C14orf39: variants seen among roughly 807,000 people sequenced by gnomAD.
C14orf39 encodes protein SIX6OS1.
Under a neutral mutation model 85.6 loss-of-function variants are expected in C14orf39, and 66 were observed. That is an observed-to-expected ratio of 0.77 (90% CI 0.63 to 0.95). The LOEUF is 0.95. C14orf39 is among the 40% of genes least tolerant of loss of function. The pLI, the probability that C14orf39 is intolerant of heterozygous loss-of-function variation, is 0.00. For synonymous variants in C14orf39, 242 were observed against 214.0 expected, an observed-to-expected ratio of 1.13 and a Z score of -1.14; for missense variants, 735 against 663.9, an observed-to-expected ratio of 1.11 and a Z score of -1.18.
At chr14:60,464,914 C>A (rs1349095328) in intron 11 of C14orf39, among the ~76,000 whole-genome samples, 1 of 152,020 alleles carries the variant, frequency 6.6e-6, no homozygotes, top group Non-Finnish European at 1.5e-5. Flanking sequence ...TTTATTTTTA[C>A]CCCCATTACT....
At chr14:60,510,090 T>C in intron 1 of C14orf39, 1 of 908,352 alleles carries the variant, frequency 1.1e-6, no homozygotes, top group Non-Finnish European at 1.8e-6. Flanking sequence ...GAGCGCGGTC[T>C]GTCTTGGGTT....
At position 60,483,686 on chromosome 14, in the gene C14orf39, C is replaced by T; in HGVS notation, c.233+5G>A. On this transcript the variant is annotated splice_donor_5th_base_variant and intron_variant, in intron 4 of 17. Coordinates refer to ENST00000321731, the MANE Select transcript of C14orf39 (RefSeq NM_174978.3). Reference sequence around the variant, plus strand: ...CAATGAAAATTGATTCTTTCAAATACTCACTTTCTACAGTTGTCTTTAATC... The same window carrying T: ...CAATGAAAATTGATTCTTTCAAATATTCACTTTCTACAGTTGTCTTTAATC... 2.5e-6 allele frequency: 4 copies of T among 1,575,778 alleles called. No individual in the cohort carries two copies. The highest frequency in any genetic ancestry group is 3.4e-6 in the Non-Finnish European group (4 of 1,164,806).
intron 4 of C14orf39, 31 bp downstream of exon 4, chr14:60,483,660 G>A: frequency 6.4e-7 from 1 of 1,553,732 alleles, no homozygotes; most frequent in Non-Finnish European, 8.7e-7. Flanking sequence ...ATAAAAGAAT[G>A]CAATGAAAAT....
At chr14:60,494,908 T>A (rs185200196) in intron 2 of C14orf39, 111 of 158,046 alleles carry the variant, frequency 7.0e-4, no homozygotes, top group African/African-American at 2.2e-3. Flanking sequence ...TACAACATCA[T>A]CATGACAGAT....
chr14:60,486,190 C>G (rs1480147880), upstream of C14orf39: 1 of 152,228 alleles, frequency 6.6e-6, no homozygotes, highest in Non-Finnish European at 1.5e-5. Context: ...CGGCTGCAAC[C>G]GCTCCTTCTT....
chr14:60,511,139 G>A, intron 1 of C14orf39: 2 of 1,612,872 alleles, frequency 1.2e-6, no homozygotes, highest in South Asian at 1.1e-5. Context: ...GGCGGAGGGC[G>A]ACGGCACGCC....
In C14orf39 at chr14:60,484,993, A is replaced by G. The variant is rs974211632; in HGVS notation, c.49+37T>C. 3 of 1,587,254 alleles carry G rather than the reference A, an allele frequency of 1.9e-6. No homozygotes were observed. In the African/African-American group the frequency reaches 4.1e-5, roughly 22 times the overall value. On this transcript the variant is annotated intron_variant, in intron 2 of 17. Transcript: ENST00000321731. The surrounding 1 kb of genome is among the most constrained non-coding windows in gnomAD (Gnocchi z 4.2). ...TTCATTGTTAAAATATCAAATGATC[A>G]TACAAAAAGCTACCTATTTTTTCAC... is the stretch of plus-strand genomic sequence containing the variant.
At chr14:60,466,077 C>T (rs1413585343) in intron 10 of C14orf39, 22 bp from the exon 11 acceptor site, 3 of 1,203,120 alleles carry the variant, frequency 2.5e-6, no homozygotes, top group African/African-American at 3.1e-5. Context: ...AATAGTACTA[C>T]TTTAAATCAA....
chr14:60,451,539 G>T (rs940210214), intron 16 of C14orf39, among the ~76,000 whole-genome samples: 8 of 152,086 alleles, frequency 5.3e-5, no homozygotes, highest in Non-Finnish European at 1.2e-4. Context: ...CCTTTATAGG[G>T]ACATGGATGA....
chr14:60,509,116 T>A (rs796065430), intron 1 of C14orf39: 11 of 495,144 alleles, frequency 2.2e-5, no homozygotes, highest in African/African-American at 1.8e-4. Context: ...GGGGTCTCCA[T>A]GGCGCCCGCG....
chr14:60,492,499 C>CG (rs763140067), intron 2 of C14orf39, among the ~76,000 whole-genome samples: 6 of 151,878 alleles, frequency 4.0e-5, no homozygotes, highest in Non-Finnish European at 8.8e-5. Context: ...ACGGGCCCGG[C>CG]GCAATGGCTC....
chr14:60,458,101 A>G (rs1239388414), intron 14 of C14orf39, among the ~76,000 whole-genome samples: 1 of 151,970 alleles, frequency 6.6e-6, no homozygotes, highest in Non-Finnish European at 1.5e-5. Flanking sequence ...ATCACCTTAA[A>G]TATTTGTCTT....
chr14:60,486,415 TACTC>T (rs1892894942), upstream of C14orf39, among the ~76,000 whole-genome samples: 4 of 152,210 alleles, frequency 2.6e-5, no homozygotes, highest in South Asian at 4.1e-4. Context: ...GAGTAAAAAA[TACTC>T]AATTCAATAA....
chr14:60,502,521 T>C (rs993225414), intron 1 of C14orf39, among the ~76,000 whole-genome samples: 5 of 152,184 alleles, frequency 3.3e-5, no homozygotes, highest in Non-Finnish European at 5.9e-5. Context: ...TAAAGACATA[T>C]TATCTTACAT....
chr14:60,461,687 T>C, intron 11 of C14orf39, 94 bp from the exon 12 acceptor site: 1 of 618,408 alleles, frequency 1.6e-6, no homozygotes, highest in South Asian at 2.8e-5. Flanking sequence ...ATTTCATTAG[T>C]ATTTCATCCT....
chr14:60,445,450 G>T (rs936354595), intron 16 of C14orf39, among the ~76,000 whole-genome samples: 6 of 152,080 alleles, frequency 3.9e-5, no homozygotes, highest in Admixed American at 2.6e-4. Context: ...AACCAACAAA[G>T]ATCAAAAGAG....
intron 1 of C14orf39, among the ~76,000 whole-genome samples, chr14:60,508,202 G>C (rs1180574081): frequency 1.3e-5 from 2 of 152,130 alleles, no homozygotes; most frequent in African/African-American, 4.8e-5. Context: ...CAGCTCAAGA[G>C]GTATAAGTTC....
chr14:60,457,131 A>G, intron 14 of C14orf39, 36 bp from the exon 15 acceptor site: 1 of 1,353,590 alleles, frequency 7.4e-7, no homozygotes, highest in Non-Finnish European at 1.0e-6. Context: ...TATAAAACAA[A>G]TGCTGCTGCA....
At chr14:60,470,426 G>A (rs1289078486) in intron 7 of C14orf39, among the ~76,000 whole-genome samples, 1 of 151,808 alleles carries the variant, frequency 6.6e-6, no homozygotes. Flanking sequence ...AATTTCAAGT[G>A]AATCATGATT....
Sources: gnomAD v4.1 joint callset for allele counts (sites outside exome capture counted in the v4.1 genomes callset) on GRCh38, gnomAD v4.1.1 for gene constraint, Gnocchi (gnomAD v3.1) non-coding constraint, MANE v1.5 for transcripts, NCBI Gene and HGNC (gene_info 2026-07-23, HGNC 2026-07-21) for gene names.